Variants in FER observed in about 807,000 individuals in gnomAD.
FER encodes FER tyrosine kinase.
In FER, 63 loss-of-function variants were observed where a neutral mutation model predicts 111.0. The ratio of observed to expected loss-of-function variants is 0.57; its 90% CI spans 0.46 to 0.70. FER has a LOEUF of 0.70. Among genes scored for constraint, FER ranks in the 30% least tolerant of loss-of-function variants. The pLI is 0.00. For synonymous variants in FER, 327 were observed against 313.9 expected (o/e 1.04, Z -0.44); for missense variants, 914 against 954.0 (o/e 0.96, Z 0.55).
intron 13 of FER, among the ~76,000 whole-genome samples, chr5:108,969,616 T>TTTTTTTTTTTTTTTTTTTTTTTTTTGA (rs1561695264): frequency 6.7e-6 from 1 of 149,050 alleles, no homozygotes; most frequent in African/African-American, 2.6e-5. Context: ...TTAATTTTTT[T>TTTTTTTTTTTTTTTTTTTTTTTTTTGA]GAACACTGTG....
intron 3 of FER, among the ~76,000 whole-genome samples, chr5:108,806,879 A>C (rs1427220024): frequency 6.6e-6 from 1 of 152,130 alleles, no homozygotes; most frequent in Non-Finnish European, 1.5e-5. Context: ...GTTAATGCTG[A>C]AATAAGACTT....
intron 16 of FER, among the ~76,000 whole-genome samples, chr5:109,087,643 C>T (rs1777709226): frequency 1.7e-4 from 2 of 11,590 alleles, no homozygotes; most frequent in African/African-American, 7.9e-4. Flanking sequence ...CATTGTAATC[C>T]TCATTGGAAA....
intron 17 of FER, among the ~76,000 whole-genome samples, chr5:109,116,708 C>T (rs796278987): frequency 3.8e-4 from 58 of 152,104 alleles, no homozygotes; most frequent in Admixed American, 1.1e-3. Context: ...AGCCTGTCTT[C>T]CTACACATAA....
Position 108,832,769 on chromosome 5 carries a change from G to A in FER, c.208-1G>A. ...TTGTTTCTTTTTTTTTTTTTTTTAA[G>A]TCTTGGCTACTTATGATTCAGCAGA... On this transcript the variant is annotated splice_acceptor_variant, in intron 3 of 19. Transcript: ENST00000281092. LOFTEE classifies it high-confidence loss of function. 7.5e-7 allele frequency: 1 copy of A among 1,331,342 alleles called. No homozygotes were observed. The highest frequency in any genetic ancestry group is 9.9e-7 in the Non-Finnish European group (1 of 1,009,652). The allele number at this position is 1,331,342 out of a possible 1,614,324, so 82.5% of individuals were successfully genotyped here.
Position 109,131,258 on chromosome 5 carries a change from C to T in FER, c.2048+30739C>T, listed in dbSNP as rs914789968. On this transcript the variant is annotated intron_variant, in intron 17 of 19. Transcript: ENST00000281092. Reference sequence around the variant, plus strand: ...TTATTTGAGCTTTAGATTAAGCCATCGAATATGGCTGATTGCTGATTTTAT... The same window carrying T: ...TTATTTGAGCTTTAGATTAAGCCATTGAATATGGCTGATTGCTGATTTTAT... 2.6e-5 allele frequency among the ~76,000 whole-genome samples: 4 copies of T among 152,098 alleles called. No individual in the cohort carries two copies. The East Asian group carries it at 5.8e-4, about 22-fold the overall frequency.
At chr5:108,755,647 G>A (rs1290500258) in intron 1 of FER, among the ~76,000 whole-genome samples, 3 of 151,516 alleles carry the variant, frequency 2.0e-5, no homozygotes, top group East Asian at 2.0e-4. Flanking sequence ...CACCACGCCC[G>A]GCTAATTTTT....
At chr5:109,151,940 C>T (rs1754897393) in intron 17 of FER, among the ~76,000 whole-genome samples, 1 of 152,116 alleles carries the variant, frequency 6.6e-6, no homozygotes, top group Non-Finnish European at 1.5e-5. Flanking sequence ...TACTGTCATG[C>T]CTCCTGTTCT....
intron 2 of FER, among the ~76,000 whole-genome samples, chr5:108,791,103 A>G (rs1286318310): frequency 1.3e-5 from 2 of 152,198 alleles, no homozygotes; most frequent in Non-Finnish European, 1.5e-5. Flanking sequence ...TGTTGCTTCA[A>G]ACATTCATAT....
chr5:109,143,768 A>T (rs1172231234), intron 17 of FER, among the ~76,000 whole-genome samples: 2 of 151,102 alleles, frequency 1.3e-5, no homozygotes, highest in African/African-American at 4.9e-5. Context: ...TCGAACTCCT[A>T]GGCTCAAGCT....
intron 2 of FER, among the ~76,000 whole-genome samples, chr5:108,772,497 C>G (rs1224662159): frequency 6.6e-6 from 1 of 151,064 alleles, no homozygotes; most frequent in African/African-American, 2.4e-5. Flanking sequence ...TTTGTATGTA[C>G]TTAACATCTC....
At chr5:109,182,776 A>G (rs974938798) in intron 18 of FER, among the ~76,000 whole-genome samples, 8 of 152,376 alleles carry the variant, frequency 5.3e-5, no homozygotes, top group African/African-American at 1.2e-4. Context: ...TTAAAGTTTC[A>G]ATTCTGGATA....
chr5:108,885,052 G>C (rs1746897755), intron 9 of FER, among the ~76,000 whole-genome samples: 1 of 151,870 alleles, frequency 6.6e-6, no homozygotes, highest in African/African-American at 2.4e-5. Flanking sequence ...CCATTTTAGA[G>C]TTAGGGAAGG....
chr5:108,924,180 A>G (rs1429451044), intron 10 of FER, among the ~76,000 whole-genome samples: 1 of 151,796 alleles, frequency 6.6e-6, no homozygotes, highest in African/African-American at 2.4e-5. Flanking sequence ...AACATGGTAA[A>G]ACCCCGTCTC....
intron 16 of FER, among the ~76,000 whole-genome samples, chr5:109,056,055 A>G (rs921240120): frequency 2.6e-5 from 4 of 152,222 alleles, no homozygotes; most frequent in Middle Eastern, 3.2e-3. Flanking sequence ...TAGGATGGCT[A>G]TTTTTAAAAA....
intron 16 of FER, among the ~76,000 whole-genome samples, chr5:109,079,820 A>G (rs1456817260): frequency 2.6e-5 from 4 of 152,222 alleles, no homozygotes; most frequent in Middle Eastern, 3.4e-3. Flanking sequence ...GCTGTCAGAC[A>G]TCATAGCCAA....
chr5:109,093,897 C>T (rs1747141477), intron 16 of FER, among the ~76,000 whole-genome samples: 1 of 152,130 alleles, frequency 6.6e-6, no homozygotes, highest in Non-Finnish European at 1.5e-5. Flanking sequence ...ACATATTATA[C>T]ATCTGACTTT....
At chr5:109,042,059 A>G (rs937267780) in intron 14 of FER, among the ~76,000 whole-genome samples, 3 of 152,178 alleles carry the variant, frequency 2.0e-5, no homozygotes, top group African/African-American at 7.2e-5. Context: ...AATTTTGATG[A>G]TGATGGGCCA....
chr5:109,082,577 G>A (rs777253133), intron 16 of FER, among the ~76,000 whole-genome samples: 5 of 151,866 alleles, frequency 3.3e-5, no homozygotes, highest in Non-Finnish European at 5.9e-5. Flanking sequence ...TTAAACATAC[G>A]AAAGACAAAC....
At chr5:108,894,609 T>G in intron 9 of FER, 1 of 369,604 alleles carries the variant, frequency 2.7e-6, no homozygotes, top group Non-Finnish European at 5.3e-6. Flanking sequence ...CTCAAGGGAC[T>G]TGAAAAAATA....
Sources: allele counts gnomAD v4.1 joint callset (sites outside exome capture counted in the v4.1 genomes callset), GRCh38; gene constraint gnomAD v4.1.1; transcripts MANE v1.5; gene names NCBI Gene and HGNC (gene_info 2026-07-23, HGNC 2026-07-21).